Variants in LDLRAD3 observed in about 807,000 individuals in gnomAD.
LDLRAD3 encodes low-density lipoprotein receptor class A domain-containing protein 3.
In LDLRAD3, 20 loss-of-function variants were observed where a neutral mutation model predicts 29.4. That is an observed-to-expected ratio of 0.68 (90% CI 0.48 to 0.99). The LOEUF is 0.99. Ranked by LOEUF, LDLRAD3 falls within the 50% of genes least tolerant of loss-of-function variation. The pLI is 0.00. For missense variants in LDLRAD3, 420 were observed against 454.3 expected (o/e 0.92, Z 0.69); for synonymous variants, 157 against 192.7 (o/e 0.81, Z 1.53).
chr11:36,128,973 G>T (rs771355292), intron 4 of LDLRAD3, among the ~76,000 whole-genome samples: 2 of 152,216 alleles, frequency 1.3e-5, no homozygotes, highest in Non-Finnish European at 2.9e-5. Flanking sequence ...CTACATGAGG[G>T]ATGGTGGTGG....
chr11:36,033,245 C>T (rs768874961), intron 1 of LDLRAD3, among the ~76,000 whole-genome samples: 18 of 152,140 alleles, frequency 1.2e-4, no homozygotes, highest in Non-Finnish European at 2.1e-4. Context: ...ATGCCTAATG[C>T]GGTTGCTCAG....
chr11:36,169,430 C>T (rs1051358712), intron 4 of LDLRAD3, among the ~76,000 whole-genome samples: 1 of 152,160 alleles, frequency 6.6e-6, no homozygotes, highest in African/African-American at 2.4e-5. Context: ...ACCAAACTGT[C>T]TTTATCCCAG....
intron 4 of LDLRAD3, among the ~76,000 whole-genome samples, chr11:36,122,042 A>C (rs1254776735): frequency 6.6e-6 from 1 of 152,196 alleles, no homozygotes; most frequent in Non-Finnish European, 1.5e-5. Context: ...TGGGATAGGC[A>C]TGAGGTCATC....
intron 2 of LDLRAD3, among the ~76,000 whole-genome samples, chr11:36,060,057 A>C (rs924245620): frequency 6.6e-6 from 1 of 152,242 alleles, no homozygotes; most frequent in African/African-American, 2.4e-5. Context: ...TGGAGGCATC[A>C]GAAGTTATAT....
At chr11:36,015,293 C>A (rs1282668283) in intron 1 of LDLRAD3, among the ~76,000 whole-genome samples, 1 of 149,522 alleles carries the variant, frequency 6.7e-6, no homozygotes, top group Admixed American at 6.7e-5. Context: ...AAAATAAATC[C>A]GGGACATGCC....
intron 1 of LDLRAD3, among the ~76,000 whole-genome samples, chr11:35,948,071 G>A (rs370281898): frequency 2.6e-5 from 4 of 152,206 alleles, no homozygotes; most frequent in Non-Finnish European, 4.4e-5. Flanking sequence ...AACACTAGGC[G>A]GGGAGATGAT....
rs1212749896 is a variant in LDLRAD3, at chr11:36,098,376, C to T, written c.369C>T (p.Gly123=). The T allele has an allele frequency of 3.1e-6, 5 of 1,614,214 alleles. No individual in the cohort carries two copies. Among genetic ancestry groups the T allele is most frequent in the Non-Finnish European group, 4.2e-6 (5 of 1,180,038 alleles). The stretch of plus-strand genomic sequence containing the variant: ...CCGCCCGCTACCACTGCAAGAACGG[C>T]CTCTGTATTGACAAGAGCTTCATCT... ...CSTARYHCKN[G]LCIDKSFICD... The change falls in exon 4 of 6, where the codon GGC becomes GGT. Residue 123 remains glycine, a synonymous_variant. Transcript: ENST00000315571.
At chr11:36,114,412 A>T (rs1235695455) in intron 4 of LDLRAD3, among the ~76,000 whole-genome samples, 1 of 152,038 alleles carries the variant, frequency 6.6e-6, no homozygotes, top group Non-Finnish European at 1.5e-5. Flanking sequence ...TGCTTCACAT[A>T]TTTATTTCTT....
chr11:36,182,384 C>CA (rs1027492199), intron 4 of LDLRAD3, among the ~76,000 whole-genome samples: 61 of 147,378 alleles, frequency 4.1e-4, no homozygotes, highest in East Asian at 2.0e-3. Flanking sequence ...CCTGCCCCCG[C>CA]AAAAAAAAAG....
intron 1 of LDLRAD3, among the ~76,000 whole-genome samples, chr11:35,954,482 A>G (rs112485737): frequency 0.011 from 1,687 of 152,322 alleles, 53 homozygotes; most frequent in East Asian, 0.11. Context: ...TTGGCATAGT[A>G]TCAGGCACAC....
At position 36,176,682 on chromosome 11, in the gene LDLRAD3, C is replaced by T. The variant is rs891700102; in HGVS notation, c.455-50403C>T. On this transcript the variant is annotated intron_variant, in intron 4 of 5. Coordinates refer to ENST00000315571, the MANE Select transcript of LDLRAD3 (RefSeq NM_174902.4). ...TGCAGGGTTTCTGCTGAGAAATCCG[C>T]CGTTAATCTGATAGGTTTTCCTTTA... Among the ~76,000 whole-genome samples the T allele has an allele frequency of 5.3e-5, 8 of 152,284 alleles. No individual in the cohort carries two copies. In the South Asian group the frequency reaches 1.7e-3, roughly 32 times the overall value.
intron 1 of LDLRAD3, among the ~76,000 whole-genome samples, chr11:35,979,279 G>C (rs1440982688): frequency 3.9e-5 from 6 of 152,142 alleles, no homozygotes; most frequent in East Asian, 1.9e-4. Flanking sequence ...TTGGTCACAG[G>C]CTTGACTAGG....
chr11:36,153,347 G>A (rs1485639348), intron 4 of LDLRAD3, among the ~76,000 whole-genome samples: 4 of 152,272 alleles, frequency 2.6e-5, no homozygotes, highest in East Asian at 1.9e-4. Context: ...AGGAGGGACC[G>A]GAGATTATTG....
At chr11:36,009,173 T>A (rs1851923733) in intron 1 of LDLRAD3, among the ~76,000 whole-genome samples, 1 of 152,216 alleles carries the variant, frequency 6.6e-6, no homozygotes, top group Admixed American at 6.5e-5. Context: ...CCCCAACTCA[T>A]ATCTGTGGCT....
Position 36,173,137 on chromosome 11 carries a change from A to G in LDLRAD3, c.455-53948A>G, listed in dbSNP as rs572401130. On this transcript the variant is annotated intron_variant, in intron 4 of 5. Transcript: ENST00000315571. ...GTAAGGGTATTCATAGTAGCCTTGA[A>G]TGGTCTTTTGTATTTCTGTGGTATC... 5.9e-5 allele frequency among the ~76,000 whole-genome samples: 9 copies of G among 152,088 alleles called. No individual in the cohort carries two copies. The South Asian group carries it at 1.7e-3, about 28-fold the overall frequency.
At chr11:36,179,944 G>A (rs970725998) in intron 4 of LDLRAD3, among the ~76,000 whole-genome samples, 8 of 152,130 alleles carry the variant, frequency 5.3e-5, no homozygotes, top group Admixed American at 1.3e-4. Context: ...ATAGTAAGCC[G>A]TGATCACACC....
At chr11:36,203,403 T>A (rs948784149) in intron 4 of LDLRAD3, among the ~76,000 whole-genome samples, 1 of 152,140 alleles carries the variant, frequency 6.6e-6, no homozygotes, top group African/African-American at 2.4e-5. Flanking sequence ...GCAAAGCCAA[T>A]AAATCGTAGA....
intron 1 of LDLRAD3, among the ~76,000 whole-genome samples, chr11:36,027,350 A>C (rs1408044331): frequency 1.3e-5 from 2 of 152,054 alleles, no homozygotes; most frequent in Non-Finnish European, 2.9e-5. Flanking sequence ...GTATTTTCTT[A>C]TATCATTTTG....
intron 4 of LDLRAD3, among the ~76,000 whole-genome samples, chr11:36,123,220 T>C (rs1187328655): frequency 6.6e-6 from 1 of 152,082 alleles, no homozygotes; most frequent in Non-Finnish European, 1.5e-5. Context: ...AATAAAAGTG[T>C]GGTACATAAT....
Sources: allele counts gnomAD v4.1 joint callset (sites outside exome capture counted in the v4.1 genomes callset), GRCh38; gene constraint gnomAD v4.1.1; transcripts MANE v1.5; gene names NCBI Gene and HGNC (gene_info 2026-07-23, HGNC 2026-07-21).